The following SNX29 variants were observed in gnomAD, a reference collection of about 807,000 sequenced individuals.
SNX29 encodes sorting nexin 29, also known as sorting nexin-29.
In SNX29, 78 loss-of-function variants were observed where a neutral mutation model predicts 102.1. That is an observed-to-expected ratio of 0.76 (90% CI 0.64 to 0.92). The LOEUF (loss-of-function observed/expected upper bound fraction) is 0.92. Ranked by LOEUF, SNX29 falls within the 40% of genes least tolerant of loss-of-function variation. The probability of loss-of-function intolerance (pLI) is 0.00; values close to 1 mark genes in which losing one functional copy is unlikely to be tolerated. For synonymous variants in SNX29, 580 were observed against 414.5 expected (o/e 1.40, Z -4.85); for missense variants, 1,280 against 1,061.7 (o/e 1.21, Z -2.86).
chr16:12,337,344 G>A (rs570761082), intron 15 of SNX29, among the ~76,000 whole-genome samples: 15 of 151,996 alleles, frequency 9.9e-5, no homozygotes, highest in African/African-American at 3.6e-4. Context: ...TGGGTGTTTT[G>A]TTGTTGTTGT....
chr16:12,386,048 G>A (rs997197719), intron 16 of SNX29, among the ~76,000 whole-genome samples: 8 of 152,194 alleles, frequency 5.3e-5, no homozygotes, highest in South Asian at 2.1e-4. Flanking sequence ...AGGTGTCCCC[G>A]TCACTGCAGA....
intron 2 of SNX29, among the ~76,000 whole-genome samples, chr16:12,002,306 G>A (rs1301349105): frequency 6.6e-6 from 1 of 151,896 alleles, no homozygotes; most frequent in Non-Finnish European, 1.5e-5. Context: ...AAATTAGCCG[G>A]GCATAGTGGC....
chr16:12,240,521 T>C (rs1444306882), intron 14 of SNX29, among the ~76,000 whole-genome samples: 1 of 151,984 alleles, frequency 6.6e-6, no homozygotes, highest in African/African-American at 2.4e-5. Flanking sequence ...GGTTTTTGTT[T>C]CTTTTAGATG....
intron 15 of SNX29, among the ~76,000 whole-genome samples, chr16:12,326,066 C>T (rs982983305): frequency 6.6e-6 from 1 of 151,730 alleles, no homozygotes; most frequent in Non-Finnish European, 1.5e-5. Flanking sequence ...CACTCTGGTG[C>T]CCAGGCTGGA....
chr16:12,568,697 T>G lies in SNX29; in HGVS notation c.*68T>G, dbSNP rs1482831988. 6.4e-7 allele frequency: 1 copy of G among 1,573,956 alleles called. No individual in the cohort carries two copies. The highest frequency in any genetic ancestry group is 8.6e-7 in the Non-Finnish European group (1 of 1,165,362). On this transcript the variant is annotated 3_prime_UTR_variant, in exon 21 of 21. Transcript: ENST00000566228. ...CTGCGTCCACCCCAGCCACTGCCGCTGGCCCCTCACCTCAGCGTGACAACC... is the reference window on the plus strand; with the variant it reads ...CTGCGTCCACCCCAGCCACTGCCGCGGGCCCCTCACCTCAGCGTGACAACC...
intron 11 of SNX29, among the ~76,000 whole-genome samples, chr16:12,117,153 C>T (rs374475098): frequency 6.9e-6 from 1 of 145,956 alleles, no homozygotes; most frequent in Non-Finnish European, 1.5e-5. Flanking sequence ...TGCTTCAGTG[C>T]GGACGAACCA....
At chr16:12,401,275 T>C (rs1379880102) in intron 17 of SNX29, among the ~76,000 whole-genome samples, 3 of 152,148 alleles carry the variant, frequency 2.0e-5, no homozygotes, top group Non-Finnish European at 4.4e-5. Flanking sequence ...GGAAAGACTG[T>C]ATGTTAGGCC....
At chr16:12,537,563 C>T (rs535477503) in intron 20 of SNX29, among the ~76,000 whole-genome samples, 1 of 152,166 alleles carries the variant, frequency 6.6e-6, no homozygotes, top group Non-Finnish European at 1.5e-5. Flanking sequence ...CGAAGGGAAG[C>T]AATTTTGACT....
chr16:12,440,833 C>A (rs868729850), intron 18 of SNX29, among the ~76,000 whole-genome samples: 1 of 152,124 alleles, frequency 6.6e-6, no homozygotes, highest in Non-Finnish European at 1.5e-5. Flanking sequence ...CTTTAACCAG[C>A]GTATCATCGA....
intron 14 of SNX29, among the ~76,000 whole-genome samples, chr16:12,261,563 C>T: frequency 7.4e-6 from 1 of 135,668 alleles, no homozygotes; most frequent in Non-Finnish European, 1.6e-5. Flanking sequence ...TTGCTCTGAG[C>T]TTCGGTCTGT....
chr16:12,109,873 G>A (rs1022156040), intron 11 of SNX29, among the ~76,000 whole-genome samples: 4 of 152,104 alleles, frequency 2.6e-5, no homozygotes, highest in African/African-American at 9.7e-5. Flanking sequence ...TGGGATTACA[G>A]GTGTGCACTA....
intron 10 of SNX29, among the ~76,000 whole-genome samples, chr16:12,075,493 C>T (rs534998328): frequency 2.6e-5 from 4 of 152,274 alleles, no homozygotes; most frequent in East Asian, 3.9e-4. Context: ...TCGTGATCCG[C>T]GAATGCTGCT....
Position 12,043,196 on chromosome 16 carries a change from C to T in SNX29, c.428+119C>T, listed in dbSNP as rs144874892. The T allele has an allele frequency of 1.0e-5, 13 of 1,274,838 alleles. No homozygotes were observed. The African/African-American group carries it at 1.6e-4, about 16-fold the overall frequency. 79.0% of individuals were successfully genotyped at this position (1,274,838 alleles called of 1,614,324 possible). Reference sequence around the variant, plus strand: ...CCCGATCTGGGGGAAGTGGGCCTCCCTCTGACAGCTCCGGAGTGTTCTGCT... The same window carrying T: ...CCCGATCTGGGGGAAGTGGGCCTCCTTCTGACAGCTCCGGAGTGTTCTGCT... On this transcript the variant is annotated intron_variant, in intron 5 of 20. Coordinates refer to ENST00000566228, the MANE Select transcript of SNX29 (RefSeq NM_032167.5).
intron 19 of SNX29, among the ~76,000 whole-genome samples, chr16:12,498,840 C>T (rs1212481907): frequency 1.3e-5 from 2 of 152,102 alleles, no homozygotes; most frequent in Non-Finnish European, 2.9e-5. Flanking sequence ...TAAAATTGCT[C>T]AGTTCTGCTT....
At chr16:12,420,665 T>A (rs919632957) in intron 18 of SNX29, among the ~76,000 whole-genome samples, 1 of 152,142 alleles carries the variant, frequency 6.6e-6, no homozygotes, top group Non-Finnish European at 1.5e-5. Context: ...CTCACAGAGT[T>A]GATATAAGGA....
chr16:12,409,128 T>G (rs2151536890), intron 18 of SNX29, among the ~76,000 whole-genome samples: 1 of 152,306 alleles, frequency 6.6e-6, no homozygotes, highest in East Asian at 1.9e-4. Context: ...CATCCGTGAG[T>G]ACTTCTTACA....
Position 12,219,634 on chromosome 16 carries a change from T to C in SNX29, c.1678+19951T>C, listed in dbSNP as rs147228962. On this transcript the variant is annotated intron_variant, in intron 14 of 20. Coordinates refer to ENST00000566228, the MANE Select transcript of SNX29 (RefSeq NM_032167.5). Reference sequence around the variant, plus strand: ...CATTCTTCCCTTTCTCTCTTCCTTATTGAATGTATAAACATGTTTTCTCTT... The same window carrying C: ...CATTCTTCCCTTTCTCTCTTCCTTACTGAATGTATAAACATGTTTTCTCTT... Among the ~76,000 whole-genome samples, 1,260 of 152,362 alleles carry C rather than the reference T, an allele frequency of 8.3e-3. 8 individuals are homozygous for C. The highest frequency in any genetic ancestry group is 0.013 in the Non-Finnish European group (897 of 68,040).
intron 15 of SNX29, among the ~76,000 whole-genome samples, chr16:12,297,583 G>C (rs1312911254): frequency 6.6e-6 from 1 of 151,918 alleles, no homozygotes; most frequent in East Asian, 1.9e-4. Context: ...CCCCTGTTGT[G>C]TTATAAAGAT....
intron 20 of SNX29, among the ~76,000 whole-genome samples, chr16:12,559,407 C>A (rs1124344): frequency 0.022 from 3,273 of 151,364 alleles, 251 homozygotes; most frequent in East Asian, 0.17. Flanking sequence ...CCTGAAGGGA[C>A]CATCTAGTTG....
Sources: allele counts gnomAD v4.1 joint callset (sites outside exome capture counted in the v4.1 genomes callset), GRCh38; gene constraint gnomAD v4.1.1; transcripts MANE v1.5; gene names NCBI Gene and HGNC (gene_info 2026-07-23, HGNC 2026-07-21).